SGO2: variants seen among roughly 807,000 people sequenced by gnomAD.
The protein encoded by SGO2 is shugoshin-like 2.
SGO2 carries 68 observed loss-of-function variants against 99.5 expected under a neutral mutation model. The ratio of observed to expected loss-of-function variants is 0.68; its 90% CI spans 0.56 to 0.84. The LOEUF (loss-of-function observed/expected upper bound fraction) is 0.84, where lower values mean the gene tolerates loss of function less well. Ranked by LOEUF, SGO2 falls within the 40% of genes least tolerant of loss-of-function variation. SGO2 has a pLI of 0.00. For missense variants in SGO2, 1,350 were observed against 1,436.7 expected (o/e 0.94, Z 0.97); for synonymous variants, 457 against 487.1 (o/e 0.94, Z 0.81).
chr2:200,566,755 A>T (rs1247044814), intron 5 of SGO2, among the ~76,000 whole-genome samples: 2 of 152,076 alleles, frequency 1.3e-5, no homozygotes, highest in South Asian at 4.1e-4. Context: ...TTACCTACTC[A>T]AGCCTCAGCA....
rs778119277 is a variant in SGO2, at chr2:200,526,226, G to A, written c.-29G>A. The A allele has an allele frequency of 1.3e-5, 2 of 152,450 alleles. No homozygotes were observed. Among genetic ancestry groups the A allele is most frequent in the Non-Finnish European group, 2.9e-5 (2 of 68,210 alleles). 9.4% of individuals were successfully genotyped at this position (152,450 alleles called of 1,614,324 possible). A position where few individuals can be genotyped will look rare whatever the true frequency, so the allele number is the denominator to read the frequency against. ...CTGCTCGCCGAGCTCCCGGAGCTGG[G>A]TGGGGGTGCCCCACGCTGAAAGAGA... On this transcript the variant is annotated 5_prime_UTR_variant, in exon 1 of 9. It adds an upstream start codon to the 5' untranslated region. Transcript: ENST00000357799. This position sits in a 1 kb window ranked among gnomAD's most constrained non-coding sequence, Gnocchi z 4.8.
chr2:200,569,119 C>T (rs906676790), intron 5 of SGO2, among the ~76,000 whole-genome samples: 1 of 151,980 alleles, frequency 6.6e-6, no homozygotes, highest in African/African-American at 2.4e-5. Flanking sequence ...TCTTTGAATT[C>T]AAATATGTCA....
At chr2:200,533,351 G>T (rs11883780) in intron 2 of SGO2, 192 of 296,998 alleles carry the variant, frequency 6.5e-4, no homozygotes, top group African/African-American at 3.9e-3. Flanking sequence ...ACCCAAGACA[G>T]CTACTTTCTA....
chr2:200,527,475 G>T (rs551419132), intron 1 of SGO2, among the ~76,000 whole-genome samples: 2 of 152,094 alleles, frequency 1.3e-5, no homozygotes, highest in Non-Finnish European at 2.9e-5. Context: ...TTTCTTCCTG[G>T]CAAAACGTTT....
chr2:200,544,898 C>T (rs187752413), intron 5 of SGO2, among the ~76,000 whole-genome samples: 26 of 152,178 alleles, frequency 1.7e-4, no homozygotes, highest in African/African-American at 6.3e-4. Flanking sequence ...ATAGTGGTAT[C>T]ATTTTGTGGT....
chr2:200,539,666 T>C (rs2031865649), intron 4 of SGO2, among the ~76,000 whole-genome samples: 1 of 152,126 alleles, frequency 6.6e-6, no homozygotes. Context: ...AATTTTGACT[T>C]TGATGTGTTT....
In SGO2 at chr2:200,571,696, T is replaced by C; in HGVS notation, c.1350T>C (p.Phe450=). The C allele has an allele frequency of 6.2e-7, 1 of 1,613,826 alleles. No homozygotes were observed. Among genetic ancestry groups the C allele is most frequent in the Non-Finnish European group, 8.5e-7 (1 of 1,179,756 alleles). Residue 450 remains phenylalanine (F), a synonymous_variant, in exon 7 of 9, where the codon TTT becomes TTC. Coordinates refer to ENST00000357799, the MANE Select transcript of SGO2 (RefSeq NM_152524.6). ...DGKRGAEDPG[F]IFNNEQLAQM... is the part of the protein sequence containing the mutation. Reference sequence around the variant, plus strand: ...AAAGGGGTGCAGAAGATCCCGGTTTTATTTTCAATAATGAACAGCTGGCTC... The same window carrying C: ...AAAGGGGTGCAGAAGATCCCGGTTTCATTTTCAATAATGAACAGCTGGCTC...
chr2:200,583,575 C>CT lies in SGO2; in HGVS notation c.*114dup. The CT allele has an allele frequency of 1.1e-6, 1 of 947,356 alleles. No individual in the cohort carries two copies. 58.7% of individuals were successfully genotyped at this position (947,356 alleles called of 1,614,324 possible). A position where few individuals can be genotyped will look rare whatever the true frequency, so the allele number is the denominator to read the frequency against. ...TAATGAAAAGGTTTTTTTTTTGTTT[C>CT]TTTGGCCTTTCATGGAGTGTTGATT... On this transcript the variant is annotated 3_prime_UTR_variant, in exon 9 of 9. Coordinates refer to ENST00000357799, the MANE Select transcript of SGO2 (RefSeq NM_152524.6).
At chr2:200,532,285 T>TTG (rs1160108379) in intron 1 of SGO2, 1 of 272,012 alleles carries the variant, frequency 3.7e-6, no homozygotes, top group African/African-American at 3.5e-5. Flanking sequence ...TTTTTTTTTG[T>TTG]TTTTTTTTTT....
At chr2:200,565,444 T>C (rs2033149152) in intron 5 of SGO2, among the ~76,000 whole-genome samples, 1 of 152,260 alleles carries the variant, frequency 6.6e-6, no homozygotes, top group South Asian at 2.1e-4. Flanking sequence ...GTTAGTCTAA[T>C]GGGCTTCCCT....
At chr2:200,532,679 C>T (rs1047755687) in intron 1 of SGO2, among the ~76,000 whole-genome samples, 1 of 152,036 alleles carries the variant, frequency 6.6e-6, no homozygotes, top group African/African-American at 2.4e-5. Context: ...TGTCTGTACC[C>T]GCATTGTACC....
chr2:200,571,196 A>G lies in SGO2; in HGVS notation c.850A>G (p.Asn284Asp), dbSNP rs1163635034. The G allele has an allele frequency of 3.7e-6, 6 of 1,613,688 alleles. No individual in the cohort carries two copies. The highest frequency in any genetic ancestry group is 1.7e-5 in the Admixed American group (1 of 59,980). ...KKRGSSWESN[N>D]LSADTPCATV... ...GCGTGGGTCATCTTGGGAATCAAAT[A>G]ATCTTTCTGCAGACACTCCCTGTGC... is the stretch of plus-strand genomic sequence containing the variant. The change falls in exon 7 of 9, where the codon AAT becomes GAT. Residue 284 changes from asparagine (N) to aspartate (D), a missense_variant. Physicochemically the swap from Asn to Asp is conservative, Grantham distance 23. Transcript: ENST00000357799.
At chr2:200,541,836 A>T (rs2031976538) in intron 4 of SGO2, among the ~76,000 whole-genome samples, 1 of 152,098 alleles carries the variant, frequency 6.6e-6, no homozygotes, top group Non-Finnish European at 1.5e-5. Flanking sequence ...TCAAAAATTA[A>T]TTGACCAAAT....
rs540855487 is a variant in SGO2 at position 200,565,251 on chromosome 2, G to C, written c.474-4412G>C. Among the ~76,000 whole-genome samples the C allele has an allele frequency of 2.6e-5, 4 of 152,294 alleles. No individual in the cohort carries two copies. The South Asian group carries it at 8.3e-4, about 32-fold the overall frequency. ...TTCCTTCAGGATCTCTTTTAGGGCA[G>C]TCCTGGTGGTGACAAAATCGCTCAG... On this transcript the variant is annotated intron_variant, in intron 5 of 8. Transcript: ENST00000357799.
intron 2 of SGO2, among the ~76,000 whole-genome samples, chr2:200,534,759 T>G (rs2031606216): frequency 6.6e-6 from 1 of 152,166 alleles, no homozygotes; most frequent in Non-Finnish European, 1.5e-5. Flanking sequence ...TACTCCTTTT[T>G]TATACATATT....
At chr2:200,568,049 C>T (rs1308317623) in intron 5 of SGO2, among the ~76,000 whole-genome samples, 1 of 152,184 alleles carries the variant, frequency 6.6e-6, no homozygotes, top group African/African-American at 2.4e-5. Context: ...TTTTTCCAAG[C>T]TTCTGCACCA....
At chr2:200,532,621 C>T (rs1178572908) in intron 1 of SGO2, among the ~76,000 whole-genome samples, 1 of 152,090 alleles carries the variant, frequency 6.6e-6, no homozygotes, top group Non-Finnish European at 1.5e-5. Context: ...TTCCTTTAAA[C>T]TCTGTGTATA....
chr2:200,576,741 T>G (rs567775074), intron 8 of SGO2, among the ~76,000 whole-genome samples: 1 of 152,334 alleles, frequency 6.6e-6, no homozygotes, highest in South Asian at 2.1e-4. Context: ...CTAATCAACT[T>G]CTTGTCTCTC....
intron 1 of SGO2, among the ~76,000 whole-genome samples, chr2:200,527,983 A>G (rs2031185218): frequency 6.6e-6 from 1 of 152,256 alleles, no homozygotes; most frequent in Non-Finnish European, 1.5e-5. Flanking sequence ...CCCTGTGGTC[A>G]TTTGAAGGAA....
Sources: allele counts gnomAD v4.1 joint callset (sites outside exome capture counted in the v4.1 genomes callset), GRCh38; gene constraint gnomAD v4.1.1; non-coding constraint Gnocchi (gnomAD v3.1); transcripts MANE v1.5; gene names NCBI Gene and HGNC (gene_info 2026-07-23, HGNC 2026-07-21).